Variants in TBC1D2B observed in about 807,000 individuals in gnomAD.
TBC1D2B encodes TBC1 domain family, member 2B.
In TBC1D2B, 64 loss-of-function variants were observed where a neutral mutation model predicts 100.8. The observed-to-expected ratio is 0.64, with a 90% CI of 0.52 to 0.78. The LOEUF (loss-of-function observed/expected upper bound fraction) is 0.78. Ranked by LOEUF, TBC1D2B falls within the 30% of genes least tolerant of loss-of-function variation. TBC1D2B has a pLI of 0.00. For missense variants in TBC1D2B, 1,052 were observed against 1,218.4 expected (o/e 0.86, Z 2.03); for synonymous variants, 480 against 479.7 (o/e 1.00, Z -0.01).
chr15:78,062,715 TG>T (rs1292275365), intron 1 of TBC1D2B, among the ~76,000 whole-genome samples: 9 of 152,304 alleles, frequency 5.9e-5, no homozygotes, highest in African/African-American at 2.2e-4. Context: ...TTTATAAAAC[TG>T]TATTAAAATT....
chr15:78,040,038 G>A (rs1309900704), intron 3 of TBC1D2B, among the ~76,000 whole-genome samples: 3 of 152,196 alleles, frequency 2.0e-5, no homozygotes, highest in East Asian at 3.9e-4. Flanking sequence ...TGCTGTCAGC[G>A]CTGCTGCAGC....
chr15:78,042,469 G>A (rs1010538524), intron 3 of TBC1D2B, among the ~76,000 whole-genome samples: 2 of 152,118 alleles, frequency 1.3e-5, no homozygotes, highest in African/African-American at 4.8e-5. Flanking sequence ...TTTAACATGT[G>A]GAATGAAGGG....
At chr15:78,068,383 C>CCACACCCACACA (rs1555422890) in intron 1 of TBC1D2B, among the ~76,000 whole-genome samples, 3 of 143,110 alleles carry the variant, frequency 2.1e-5, no homozygotes, top group East Asian at 2.0e-4. Context: ...CACACCACAC[C>CCACACCCACACA]CACACACACA....
chr15:78,054,965 C>A (rs929648544), intron 1 of TBC1D2B, among the ~76,000 whole-genome samples: 1 of 152,062 alleles, frequency 6.6e-6, no homozygotes, highest in African/African-American at 2.4e-5. Context: ...AAAACTGGTA[C>A]ATCTATACAA....
rs117478848 is a variant in TBC1D2B, at chr15:78,024,201, C to T, written c.1425G>A (p.Ser475=). Residue 475 remains serine (S), a synonymous_variant, in exon 6 of 13, where the codon TCG becomes TCA. Coordinates refer to ENST00000300584, the MANE Select transcript of TBC1D2B (RefSeq NM_144572.2). ...PPPTVAPSSP[S]VVPVARDQLE... ...GCTGGTCCCTGGCAACAGGCACAAC[C>T]GAAGGGGAGCTGGGCGCCACGGTGG... 11 of 1,613,764 alleles carry T rather than the reference C, an allele frequency of 6.8e-6. No individual in the cohort carries two copies. In the East Asian group the frequency reaches 1.3e-4, roughly 20 times the overall value.
At chr15:78,077,023 C>T (rs1054461500) in intron 1 of TBC1D2B, among the ~76,000 whole-genome samples, 1 of 152,232 alleles carries the variant, frequency 6.6e-6, no homozygotes, top group Admixed American at 6.5e-5. Context: ...ACACCAGAGA[C>T]TGGCCCGAGG....
intron 4 of TBC1D2B, among the ~76,000 whole-genome samples, chr15:78,027,998 C>CT (rs1297799385): frequency 6.6e-6 from 1 of 152,192 alleles, no homozygotes; most frequent in Non-Finnish European, 1.5e-5. Context: ...CATGACAGTC[C>CT]TTTTCCAGGA....
At chr15:78,065,876 C>G in intron 1 of TBC1D2B, 1 of 363,586 alleles carries the variant, frequency 2.8e-6, no homozygotes, top group Non-Finnish European at 6.3e-6. Flanking sequence ...CCTAGTCTTT[C>G]AGTGAATTTA....
intron 3 of TBC1D2B, among the ~76,000 whole-genome samples, chr15:78,031,825 C>A (rs2072823478): frequency 6.6e-6 from 1 of 152,094 alleles, no homozygotes; most frequent in Non-Finnish European, 1.5e-5. Flanking sequence ...TACAGGAAAC[C>A]ATGGTTTTTG....
At chr15:78,034,698 G>A (rs1210777051) in intron 3 of TBC1D2B, 17 of 985,362 alleles carry the variant, frequency 1.7e-5, no homozygotes, top group Non-Finnish European at 1.9e-5. Flanking sequence ...ACCTGCAGCT[G>A]AGGGACAGCC....
At chr15:78,034,017 T>G (rs1480101062) in intron 3 of TBC1D2B, among the ~76,000 whole-genome samples, 28 of 152,170 alleles carry the variant, frequency 1.8e-4, no homozygotes, top group Admixed American at 1.8e-3. Flanking sequence ...GAACTGACAC[T>G]CACTTTCTCA....
At chr15:78,024,570 G>A (rs1187417395) in intron 5 of TBC1D2B, 31 bp from the exon 6 acceptor site, 5 of 1,573,310 alleles carry the variant, frequency 3.2e-6, no homozygotes, top group Non-Finnish European at 1.7e-6. Flanking sequence ...GGAGTGAAGG[G>A]TGAAAAGAGC....
At chr15:78,070,847 A>T (rs1478571702) in intron 1 of TBC1D2B, among the ~76,000 whole-genome samples, 1 of 151,692 alleles carries the variant, frequency 6.6e-6, no homozygotes, top group Non-Finnish European at 1.5e-5. Context: ...TTTGAGACAG[A>T]GTTTCGCTCT....
rs1168394407 is a variant in TBC1D2B, at chr15:78,013,314, T to C, written c.1779A>G (p.Glu593=). 6.9e-6 allele frequency: 11 copies of C among 1,585,802 alleles called. No individual in the cohort carries two copies. The South Asian group carries it at 1.0e-4, about 15-fold the overall frequency. ...CAGTCCTGAACCCATAAATATCATA[T>C]TCACTGTTGATAAAAACAAAAGGAA... ...QAFVKPHLVS[E]YDIYGFRTVP... is the part of the protein sequence containing the mutation. Residue 593 remains glutamate, a synonymous_variant, in exon 9 of 13, where the codon GAA becomes GAG. Transcript: ENST00000300584.
At chr15:78,050,123 G>A (rs2073281985) in intron 2 of TBC1D2B, among the ~76,000 whole-genome samples, 1 of 151,986 alleles carries the variant, frequency 6.6e-6, no homozygotes, top group Middle Eastern at 3.2e-3. Context: ...CTTTCCTTCT[G>A]GCAGCTCTCT....
intron 3 of TBC1D2B, among the ~76,000 whole-genome samples, chr15:78,032,462 C>T (rs560933312): frequency 2.7e-5 from 4 of 150,846 alleles, no homozygotes; most frequent in Non-Finnish European, 4.4e-5. Flanking sequence ...AAATTCACAA[C>T]ATCTGGTATT....
chr15:78,070,814 T>A (rs1040240930), intron 1 of TBC1D2B, among the ~76,000 whole-genome samples: 1 of 151,938 alleles, frequency 6.6e-6, no homozygotes, highest in Non-Finnish European at 1.5e-5. Context: ...TGTGCCATCA[T>A]GCCTGGCTAG....
At chr15:78,075,556 T>A (rs1393885719) in intron 1 of TBC1D2B, among the ~76,000 whole-genome samples, 3 of 152,210 alleles carry the variant, frequency 2.0e-5, no homozygotes, top group Admixed American at 6.5e-5. Context: ...ATGCTCTATT[T>A]TCTTTAACAA....
In TBC1D2B at chr15:78,030,088, G is replaced by C. The variant is rs757898905; in HGVS notation, c.766C>G (p.Leu256Val). ...TVFYTNEEWE[L>V]LDPTPKDLEE... ...AGGTCCTTAGGGGTTGGGTCTAAAA[G>C]TTCCCACTCTTCATTGGTATAAAAC... The change falls in exon 4 of 13, where the codon CTT (leucine) becomes GTT (valine). Residue 256 changes from leucine to valine, a missense_variant. Around this residue, in one of 4 missense-constraint regions of TBC1D2B, gnomAD observed 627 missense variants for 646.1 expected, o/e 0.97. Coordinates refer to ENST00000300584, the MANE Select transcript of TBC1D2B (RefSeq NM_144572.2). 8.1e-6 allele frequency: 13 copies of C among 1,613,692 alleles called. No homozygotes were observed. In the East Asian group the frequency reaches 1.3e-4, roughly 17 times the overall value.
Sources: allele counts gnomAD v4.1 joint callset (sites outside exome capture counted in the v4.1 genomes callset), GRCh38; gene constraint gnomAD v4.1.1; regional missense constraint gnomAD v4.1.1; transcripts MANE v1.5; gene names NCBI Gene and HGNC (gene_info 2026-07-23, HGNC 2026-07-21).